The following PUM1 variants were observed in gnomAD, a reference collection of about 807,000 sequenced individuals.
The protein encoded by PUM1 is pumilio homolog 1.
In PUM1, 13 loss-of-function variants were observed where a neutral mutation model predicts 131.8. That is an observed-to-expected ratio of 0.10 (90% CI 0.06 to 0.16). The LOEUF is 0.16. Ranked by LOEUF, PUM1 falls within the 10% of genes least tolerant of loss-of-function variation. The probability of loss-of-function intolerance (pLI) is 1.00; values close to 1 mark genes in which losing one functional copy is unlikely to be tolerated. For missense variants in PUM1, 961 were observed against 1,512.4 expected, an observed-to-expected ratio of 0.64 and a Z score of 6.05; for synonymous variants, 509 against 556.5, an observed-to-expected ratio of 0.91 and a Z score of 1.20.
intron 3 of PUM1, among the ~76,000 whole-genome samples, chr1:31,014,790 G>GA (rs758812891): frequency 0.079 from 10,487 of 132,370 alleles, 761 homozygotes; most frequent in African/African-American, 0.18. Context: ...CTGTGTCTCA[G>GA]AAAAAAAAAA....
At chr1:30,936,941 A>C (rs1639236200) in intron 20 of PUM1, 106 bp from the exon 21 acceptor site, 1 of 951,152 alleles carries the variant, frequency 1.1e-6, no homozygotes, top group Admixed American at 2.8e-5. Context: ...AGGGAGAGAG[A>C]GCTATTTAAC....
intron 7 of PUM1, among the ~76,000 whole-genome samples, chr1:30,991,196 T>C (rs187496640): frequency 2.0e-5 from 3 of 152,056 alleles, no homozygotes; most frequent in African/African-American, 4.8e-5. Flanking sequence ...AAAATGGCCA[T>C]AAAGAGAAAA....
intron 20 of PUM1, among the ~76,000 whole-genome samples, chr1:30,938,876 G>GAGAT (rs56230812): frequency 1.2e-4 from 17 of 147,538 alleles, no homozygotes; most frequent in South Asian, 4.5e-4. Context: ...TTCATAGATA[G>GAGAT]AGATAGATAG....
chr1:31,003,193 C>T (rs1642276252), intron 5 of PUM1, among the ~76,000 whole-genome samples: 1 of 152,186 alleles, frequency 6.6e-6, no homozygotes, highest in South Asian at 2.1e-4. Flanking sequence ...TGACCCCATA[C>T]ACTACCAAGT....
chr1:31,057,335 C>T (rs552340519), intron 2 of PUM1, among the ~76,000 whole-genome samples: 4 of 136,314 alleles, frequency 2.9e-5, no homozygotes, highest in South Asian at 2.4e-4. Context: ...CCAGGGAGAC[C>T]GTGGTTGCAG....
chr1:30,960,077 A>AC (rs1323658922), intron 14 of PUM1, among the ~76,000 whole-genome samples: 1 of 152,010 alleles, frequency 6.6e-6, no homozygotes, highest in Admixed American at 6.6e-5. Flanking sequence ...CTTTACCTCC[A>AC]CCCCCTGCCA....
chr1:30,967,235 C>T lies in PUM1; in HGVS notation c.1721G>A (p.Gly574Asp). 6.2e-7 allele frequency: 1 copy of T among 1,614,080 alleles called. No homozygotes were observed. ...TACAAGTCGAACAGGAGCTCCAAGA[C>T]CATTTCTCGCGCCTGCATTCACTAC... ...ALVVNAGARN[G>D]LGAPVRLVAP... is the part of the protein sequence containing the mutation. Residue 574 changes from glycine to aspartate, a missense_variant, in exon 12 of 22, where the codon GGT becomes GAT. This residue lies in a region of PUM1 where 654 missense variants were observed against 923.9 expected (regional missense o/e 0.71). Coordinates refer to ENST00000426105, the MANE Select transcript of PUM1 (RefSeq NM_001020658.2).
intron 7 of PUM1, among the ~76,000 whole-genome samples, chr1:30,983,082 G>C (rs984476225): frequency 6.6e-6 from 1 of 152,194 alleles, no homozygotes; most frequent in Non-Finnish European, 1.5e-5. Context: ...TTGTCCTCCA[G>C]GAAGGGAGCC....
At chr1:31,031,954 T>A (rs2124552439) in intron 2 of PUM1, among the ~76,000 whole-genome samples, 1 of 151,620 alleles carries the variant, frequency 6.6e-6, no homozygotes, top group South Asian at 2.1e-4. Flanking sequence ...CCTCCCCACC[T>A]CCCTCTTTCA....
chr1:30,963,629 C>G (rs1275373428), intron 14 of PUM1, among the ~76,000 whole-genome samples: 1 of 152,182 alleles, frequency 6.6e-6, no homozygotes, highest in Non-Finnish European at 1.5e-5. Flanking sequence ...GTCTGCCTAT[C>G]CAAACGAAGG....
intron 14 of PUM1, among the ~76,000 whole-genome samples, chr1:30,954,527 C>T (rs1385581387): frequency 3.9e-5 from 6 of 152,110 alleles, no homozygotes; most frequent in African/African-American, 7.2e-5. Context: ...GTGTGAAAAT[C>T]GCTAAGACAT....
chr1:31,064,257 A>T (rs539110175), intron 1 of PUM1, among the ~76,000 whole-genome samples: 282 of 152,318 alleles, frequency 1.9e-3, no homozygotes, highest in Non-Finnish European at 2.6e-3. Context: ...TTCATTTTAA[A>T]CCTAAACTAA....
chr1:30,944,187 T>A (rs377299140), intron 18 of PUM1, among the ~76,000 whole-genome samples: 1 of 152,176 alleles, frequency 6.6e-6, no homozygotes, highest in Non-Finnish European at 1.5e-5. Context: ...ATTGTGGTCA[T>A]TGAGCAAACA....
intron 2 of PUM1, among the ~76,000 whole-genome samples, chr1:31,039,325 C>T (rs1643745179): frequency 6.6e-6 from 1 of 151,600 alleles, no homozygotes; most frequent in African/African-American, 2.4e-5. Context: ...CGGGTTCGTG[C>T]CATTCTCCTG....
intron 13 of PUM1, 44 bp downstream of exon 13, chr1:30,965,938 A>G (rs772832597): frequency 2.6e-6 from 4 of 1,543,956 alleles, no homozygotes; most frequent in South Asian, 2.5e-5. Context: ...GATTGTAAAA[A>G]TAATTAAAAT....
At chr1:31,045,576 T>C (rs1003745665) in intron 2 of PUM1, among the ~76,000 whole-genome samples, 2 of 151,914 alleles carry the variant, frequency 1.3e-5, no homozygotes, top group Admixed American at 6.6e-5. Context: ...TGAGACCCCA[T>C]CTGTACAAGA....
In PUM1 at chr1:30,953,904, C is replaced by T. The variant is rs769056716; in HGVS notation, c.2401G>A (p.Ala801Thr). The T allele has an allele frequency of 2.0e-5, 33 of 1,614,166 alleles. No individual in the cohort carries two copies. Among genetic ancestry groups the T allele is most frequent in the African/African-American group, 4.0e-5 (3 of 75,038 alleles). The stretch of plus-strand genomic sequence containing the variant: ...CTGCTCGGGCTGAAGAGGCTGGAGG[C>T]GCTGCTTGCACTGCGGTACTTGGCT... ...AEAKYRSASS[A>T]SSLFSPSSTL... is the part of the protein sequence containing the mutation. Residue 801 changes from alanine (A) to threonine (T), a missense_variant, in exon 15 of 22, where the codon GCC becomes ACC. Ala to Thr is a moderately conservative substitution (Grantham distance 58). Around this residue, in one of 4 missense-constraint regions of PUM1, gnomAD observed 117 missense variants for 200.7 expected, o/e 0.58. Coordinates refer to ENST00000426105, the MANE Select transcript of PUM1 (RefSeq NM_001020658.2).
chr1:30,936,876 G>GGTA (rs1639230145), intron 20 of PUM1, 41 bp from the exon 21 acceptor site: 2 of 1,506,380 alleles, frequency 1.3e-6, no homozygotes, highest in Non-Finnish European at 1.8e-6. Context: ...TACAAGAGAG[G>GGTA]CCCCTGTTAG....
At chr1:30,992,868 A>G (rs1245549260) in intron 6 of PUM1, among the ~76,000 whole-genome samples, 1 of 151,884 alleles carries the variant, frequency 6.6e-6, no homozygotes, top group African/African-American at 2.4e-5. Flanking sequence ...CATATAACTC[A>G]CCCCTTAAAT....
Sources: allele counts gnomAD v4.1 joint callset (sites outside exome capture counted in the v4.1 genomes callset), GRCh38; gene constraint gnomAD v4.1.1; regional missense constraint gnomAD v4.1.1; transcripts MANE v1.5; gene names NCBI Gene and HGNC (gene_info 2026-07-23, HGNC 2026-07-21).